Variants in SLC14A2 observed in about 807,000 individuals in gnomAD.
SLC14A2 encodes solute carrier family 14 member 2, also known as urea transporter 2.
SLC14A2 carries 91 observed loss-of-function variants against 104.6 expected under a neutral mutation model. The observed-to-expected ratio is 0.87, with a 90% CI of 0.73 to 1.04. SLC14A2 has a LOEUF of 1.04. Among genes scored for constraint, SLC14A2 ranks in the 50% least tolerant of loss-of-function variants. SLC14A2 has a pLI of 0.00. For missense variants in SLC14A2, 1,189 were observed against 1,156.0 expected (o/e 1.03, Z -0.41); for synonymous variants, 476 against 466.4 (o/e 1.02, Z -0.27).
At chr18:45,433,672 C>T (rs1020893851) in intron 1 of SLC14A2, among the ~76,000 whole-genome samples, 1 of 152,270 alleles carries the variant, frequency 6.6e-6, no homozygotes, top group Admixed American at 6.5e-5. Flanking sequence ...CTTAAAGCTT[C>T]CTGATTATTT....
intron 1 of SLC14A2, among the ~76,000 whole-genome samples, chr18:45,472,446 C>T (rs926220248): frequency 1.4e-4 from 22 of 152,180 alleles, no homozygotes; most frequent in Non-Finnish European, 2.2e-4. Context: ...CTTGAGGAAT[C>T]GCCACACTGT....
intron 1 of SLC14A2, among the ~76,000 whole-genome samples, chr18:45,269,122 A>G (rs1183380889): frequency 6.6e-6 from 1 of 152,014 alleles, no homozygotes. Context: ...AAGATAAAAC[A>G]ATGAGAATGA....
chr18:45,304,617 G>A (rs961742313), intron 1 of SLC14A2, among the ~76,000 whole-genome samples: 4 of 152,252 alleles, frequency 2.6e-5, no homozygotes, highest in African/African-American at 9.6e-5. Flanking sequence ...GGTGGTCTGT[G>A]TATTGGGAAG....
intron 1 of SLC14A2, among the ~76,000 whole-genome samples, chr18:45,616,154 G>A (rs969227981): frequency 1.3e-5 from 2 of 152,144 alleles, no homozygotes; most frequent in African/African-American, 4.8e-5. Context: ...ATTGAGAACA[G>A]TTGCTATCTT....
chr18:45,576,413 AG>A (rs2044419899), intron 2 of SLC14A2, among the ~76,000 whole-genome samples: 2 of 151,322 alleles, frequency 1.3e-5, no homozygotes, highest in Admixed American at 1.3e-4. Context: ...TCTCCTGAGT[AG>A]CTGGGACTAC....
chr18:45,303,988 T>G (rs2084992619), intron 1 of SLC14A2, among the ~76,000 whole-genome samples: 1 of 152,178 alleles, frequency 6.6e-6, no homozygotes, highest in African/African-American at 2.4e-5. Flanking sequence ...TTTCTAATTA[T>G]TCGACAACCC....
chr18:45,229,581 C>T (rs2084154437), intron 1 of SLC14A2, among the ~76,000 whole-genome samples: 1 of 152,146 alleles, frequency 6.6e-6, no homozygotes, highest in East Asian at 1.9e-4. Flanking sequence ...GTGCCTAGCA[C>T]AGCCATACCT....
the SLC14A2 span, among the ~76,000 whole-genome samples, chr18:45,185,868 T>A: frequency 1.3e-4 from 20 of 152,316 alleles, no homozygotes; most frequent in South Asian, 1.0e-3. Flanking sequence ...TAAATTTTTT[T>A]AAATTCCACT....
intron 2 of SLC14A2, among the ~76,000 whole-genome samples, chr18:45,603,544 G>C (rs1303887792): frequency 6.6e-6 from 1 of 152,142 alleles, no homozygotes; most frequent in Non-Finnish European, 1.5e-5. Context: ...GTAGTCTCTA[G>C]GGTTACAATC....
At chr18:45,239,500 G>A (rs116906182) in intron 1 of SLC14A2, among the ~76,000 whole-genome samples, 571 of 152,356 alleles carry the variant, frequency 3.7e-3, no homozygotes, top group Middle Eastern at 0.01. Flanking sequence ...GGTGAGGAGG[G>A]CAAGCTAGGC....
intron 2 of SLC14A2, among the ~76,000 whole-genome samples, chr18:45,484,702 A>G (rs1181675972): frequency 6.6e-6 from 1 of 152,144 alleles, no homozygotes; most frequent in African/African-American, 2.4e-5. Context: ...TGGGGTTTCA[A>G]GATACTAGCT....
At chr18:45,279,538 T>A (rs1349571094) in intron 1 of SLC14A2, among the ~76,000 whole-genome samples, 1 of 152,138 alleles carries the variant, frequency 6.6e-6, no homozygotes, top group Non-Finnish European at 1.5e-5. Flanking sequence ...TTGGGTTTTG[T>A]TGGGGGGTGG....
At chr18:45,245,737 C>A (rs897889235) in intron 1 of SLC14A2, among the ~76,000 whole-genome samples, 1 of 152,194 alleles carries the variant, frequency 6.6e-6, no homozygotes, top group Non-Finnish European at 1.5e-5. Flanking sequence ...CAATTTAACT[C>A]ATCATTCCTT....
At chr18:45,311,385 C>A (rs934900356) in intron 1 of SLC14A2, among the ~76,000 whole-genome samples, 2 of 152,170 alleles carry the variant, frequency 1.3e-5, no homozygotes, top group Non-Finnish European at 2.9e-5. Flanking sequence ...ATACTCCTAT[C>A]CACACTTATA....
At chr18:45,195,607 G>A in the SLC14A2 span, among the ~76,000 whole-genome samples, 4 of 152,124 alleles carry the variant, frequency 2.6e-5, no homozygotes, top group African/African-American at 2.4e-5. Context: ...GGCCAGGCTG[G>A]TCTTGAACTC....
chr18:45,240,646 T>G (rs2084305193), intron 1 of SLC14A2, among the ~76,000 whole-genome samples: 1 of 150,604 alleles, frequency 6.6e-6, no homozygotes, highest in African/African-American at 2.5e-5. Context: ...TTTTTGTTTT[T>G]TTTGTTTTTG....
intron 1 of SLC14A2, among the ~76,000 whole-genome samples, chr18:45,321,641 C>T (rs1348463172): frequency 4.6e-5 from 7 of 152,124 alleles, no homozygotes; most frequent in Admixed American, 1.3e-4. Flanking sequence ...CTCCAGCGCC[C>T]GTGCTATTAT....
At chr18:45,514,104 G>C (rs1833418) in intron 2 of SLC14A2, among the ~76,000 whole-genome samples, 32,945 of 152,148 alleles carry the variant, frequency 0.22, 4,022 homozygotes, top group African/African-American at 0.32. Flanking sequence ...TGATATCATG[G>C]AAGTTGTATT....
intron 1 of SLC14A2, among the ~76,000 whole-genome samples, chr18:45,289,875 C>A (rs948589412): frequency 1.3e-4 from 20 of 152,106 alleles, no homozygotes; most frequent in African/African-American, 4.8e-4. Context: ...CTGAACAACT[C>A]GAGAAGATCA....
Sources: gnomAD v4.1 joint callset for allele counts (sites outside exome capture counted in the v4.1 genomes callset) on GRCh38, gnomAD v4.1.1 for gene constraint, MANE v1.5 for transcripts, NCBI Gene and HGNC (gene_info 2026-07-23, HGNC 2026-07-21) for gene names.